NVL: variants seen among roughly 807,000 people sequenced by gnomAD.
NVL encodes nuclear valosin-containing protein-like.
NVL carries 84 observed loss-of-function variants against 110.2 expected under a neutral mutation model. The ratio of observed to expected loss-of-function variants is 0.76; its 90% CI spans 0.64 to 0.91. NVL has a LOEUF of 0.91. Among genes scored for constraint, NVL ranks in the 40% least tolerant of loss-of-function variants. The pLI is 0.00. For synonymous variants in NVL, 354 were observed against 361.1 expected, an observed-to-expected ratio of 0.98 and a Z score of 0.22; for missense variants, 882 against 1,035.9, an observed-to-expected ratio of 0.85 and a Z score of 2.04.
intron 21 of NVL, chr1:224,232,947 T>C (rs1341380778): frequency 1.2e-5 from 4 of 344,886 alleles, no homozygotes; most frequent in South Asian, 1.0e-4. Flanking sequence ...AGACTCATGA[T>C]GAAGACAGCG....
intron 15 of NVL, 95 bp from the exon 16 acceptor site, chr1:224,281,280 T>TGTGG: frequency 1.3e-6 from 1 of 772,244 alleles, no homozygotes. Flanking sequence ...AAGGACTCTG[T>TGTGG]GTGCGTGTGT....
chr1:224,280,169 G>GTTTTT (rs1225902326), intron 16 of NVL, among the ~76,000 whole-genome samples: 3 of 130,974 alleles, frequency 2.3e-5, no homozygotes, highest in African/African-American at 9.2e-5. Context: ...GTGTACTGCT[G>GTTTTT]TTTTTTTTTG....
At chr1:224,307,307 G>T (rs1412585331) in intron 6 of NVL, among the ~76,000 whole-genome samples, 1 of 152,188 alleles carries the variant, frequency 6.6e-6, no homozygotes, top group Non-Finnish European at 1.5e-5. Flanking sequence ...GGTGGTAGGA[G>T]ATGAAACTGA....
At chr1:224,241,360 A>C (rs1037202612) in intron 19 of NVL, among the ~76,000 whole-genome samples, 2 of 152,226 alleles carry the variant, frequency 1.3e-5, no homozygotes, top group Non-Finnish European at 2.9e-5. Context: ...GATTTTGGAA[A>C]ATCATTTATT....
chr1:224,238,244 G>A (rs6671881), intron 19 of NVL, among the ~76,000 whole-genome samples: 150,242 of 152,152 alleles, frequency 0.99, 74,207 homozygotes, highest in East Asian at 1. Flanking sequence ...TGTTGCCCAG[G>A]CTGATCTCAA....
chr1:224,291,558 A>T (rs1043941843), intron 12 of NVL, among the ~76,000 whole-genome samples: 7 of 152,216 alleles, frequency 4.6e-5, no homozygotes, highest in African/African-American at 1.7e-4. Context: ...CAAATTTTTT[A>T]AAATTTCACT....
At position 224,294,407 on chromosome 1, in the gene NVL, C is replaced by T. The variant is rs1366177571; in HGVS notation, c.1185G>A (p.Leu395=). 6.2e-7 allele frequency: 1 copy of T among 1,613,812 alleles called. No individual in the cohort carries two copies. The highest frequency in any genetic ancestry group is 2.2e-5 in the East Asian group (1 of 44,884). The change falls in exon 12 of 23, where the codon CTG becomes CTA. Residue 395 remains leucine, a synonymous_variant. Transcript: ENST00000281701. The part of the protein sequence containing the change: ...VAQLLTCMDD[L]NNVAATARVL... ...CCCGGGCTGTAGCAGCCACATTATT[C>T]AGATCTAGTAAGAGACAGAGAAAGA...
intron 18 of NVL, among the ~76,000 whole-genome samples, chr1:224,253,128 C>T (rs1035451279): frequency 3.3e-5 from 5 of 151,822 alleles, no homozygotes; most frequent in African/African-American, 1.2e-4. Flanking sequence ...TCATTGCAAC[C>T]TCTGCCTCCT....
At chr1:224,285,571 G>A (rs1666782431) in intron 15 of NVL, among the ~76,000 whole-genome samples, 1 of 152,114 alleles carries the variant, frequency 6.6e-6, no homozygotes, top group Non-Finnish European at 1.5e-5. Context: ...AATAGTAGTA[G>A]GTGGCAGTGA....
intron 18 of NVL, among the ~76,000 whole-genome samples, chr1:224,266,739 C>G (rs1664539645): frequency 6.6e-6 from 1 of 152,192 alleles, no homozygotes; most frequent in Non-Finnish European, 1.5e-5. Flanking sequence ...TCTAGGATGA[C>G]TCTGTGATTT....
intron 16 of NVL, among the ~76,000 whole-genome samples, chr1:224,278,466 A>AT (rs1328614651): frequency 6.6e-6 from 1 of 151,866 alleles, no homozygotes; most frequent in African/African-American, 2.4e-5. Context: ...CTTGACCTCA[A>AT]GTGATCTGCC....
At chr1:224,232,589 G>A (rs1011226515) in intron 21 of NVL, among the ~76,000 whole-genome samples, 11 of 151,910 alleles carry the variant, frequency 7.2e-5, no homozygotes, top group Non-Finnish European at 1.5e-4. Flanking sequence ...CAAACTCCTG[G>A]GCTCAAGCAA....
intron 4 of NVL, 114 bp from the exon 5 acceptor site, chr1:224,311,971 C>T: frequency 2.7e-6 from 2 of 747,976 alleles, no homozygotes; most frequent in Non-Finnish European, 4.4e-6. Flanking sequence ...GTTAAGAGTC[C>T]AAACTCTGGA....
intron 9 of NVL, chr1:224,301,919 C>G (rs1188709572): frequency 6.2e-6 from 1 of 161,020 alleles, no homozygotes; most frequent in Non-Finnish European, 1.4e-5. Flanking sequence ...ATTTGGGAAT[C>G]CTAACATACC....
At chr1:224,266,873 T>C (rs1664550517) in intron 18 of NVL, among the ~76,000 whole-genome samples, 1 of 152,362 alleles carries the variant, frequency 6.6e-6, no homozygotes, top group Non-Finnish European at 1.5e-5. Context: ...CATTTAACTT[T>C]TGTGGCAATC....
intron 5 of NVL, among the ~76,000 whole-genome samples, chr1:224,309,988 C>T (rs1452897902): frequency 6.6e-6 from 1 of 151,806 alleles, no homozygotes; most frequent in African/African-American, 2.4e-5. Context: ...GAGATGACAC[C>T]ACTGAACTCC....
At position 224,308,203 on chromosome 1, in the gene NVL, C is replaced by T. The variant is rs200499785; in HGVS notation, c.403G>A (p.Val135Ile). ...TGCTCCATCTCAGGAGTATTTGAAA[C>T]AGAATCAGGATTTCCTTTCCGATAT... ...SLYRKGNPDS[V>I]SNTPEMEQRE... is the part of the protein sequence containing the mutation. The change falls in exon 6 of 23, where the codon GTT becomes ATT. Residue 135 changes from valine (V) to isoleucine (I), a missense_variant. Coordinates refer to ENST00000281701, the MANE Select transcript of NVL (RefSeq NM_002533.4). 157 of 1,613,700 alleles carry T rather than the reference C, an allele frequency of 9.7e-5. No homozygotes were observed. The highest frequency in any genetic ancestry group is 1.3e-4 in the Non-Finnish European group (149 of 1,179,890).
chr1:224,259,883 T>C (rs1448530280), intron 18 of NVL, among the ~76,000 whole-genome samples: 1 of 151,512 alleles, frequency 6.6e-6, no homozygotes, highest in Non-Finnish European at 1.5e-5. Flanking sequence ...TAACCCAGGT[T>C]GGTCTCAAAC....
At position 224,236,544 on chromosome 1, in the gene NVL, C is replaced by A. The variant is rs1237329085; in HGVS notation, c.2328G>T (p.Leu776Phe). The A allele has an allele frequency of 3.7e-6, 6 of 1,613,834 alleles. No individual in the cohort carries two copies. Among genetic ancestry groups the A allele is most frequent in the Non-Finnish European group, 5.1e-6 (6 of 1,179,868 alleles). ...TKPPLDADVN[L>F]EAIAGDLRCD... The stretch of plus-strand genomic sequence containing the variant: ...AGCGAAGGTCACCAGCAATTGCTTC[C>A]AAATTTACATCTGCATCCAGTGGTG... Residue 776 changes from leucine to phenylalanine, a missense_variant, in exon 20 of 23, where the codon TTG becomes TTT. Coordinates refer to ENST00000281701, the MANE Select transcript of NVL (RefSeq NM_002533.4).
Sources: allele counts gnomAD v4.1 joint callset (sites outside exome capture counted in the v4.1 genomes callset), GRCh38; gene constraint gnomAD v4.1.1; transcripts MANE v1.5; gene names NCBI Gene and HGNC (gene_info 2026-07-23, HGNC 2026-07-21).